The following ZNF626 variants were observed in gnomAD, a reference collection of about 807,000 sequenced individuals.
ZNF626 encodes zinc finger protein 626.
A neutral mutation model predicts 11.7 loss-of-function variants in ZNF626; 4 were observed. That is an observed-to-expected ratio of 0.34 (90% confidence interval 0.17 to 0.78). ZNF626 has a LOEUF of 0.78. ZNF626 is among the 30% of genes least tolerant of loss of function. ZNF626 has a pLI of 0.57. For synonymous variants in ZNF626, 179 were observed against 198.6 expected, an observed-to-expected ratio of 0.90 and a Z score of 0.83; for missense variants, 588 against 587.1, an observed-to-expected ratio of 1.00 and a Z score of -0.01.
At position 20,654,250 on chromosome 19, in the gene ZNF626, C is replaced by T. The variant is rs549817257; in HGVS notation, c.3+7194G>A. Reference sequence around the variant, plus strand: ...GGTCAGGAGTTCAAAACCAGCCTGGCCAATATAGTGAAACCCTGTCTCTAC... The same window carrying T: ...GGTCAGGAGTTCAAAACCAGCCTGGTCAATATAGTGAAACCCTGTCTCTAC... On this transcript the variant is annotated intron_variant, in intron 1 of 3. Coordinates refer to ENST00000601440, the MANE Select transcript of ZNF626 (RefSeq NM_001076675.3). Among the ~76,000 whole-genome samples the T allele has an allele frequency of 7.2e-5, 11 of 151,970 alleles. 1 individual carries two copies. The South Asian group carries it at 2.3e-3, about 32-fold the overall frequency.
intron 3 of ZNF626, among the ~76,000 whole-genome samples, chr19:20,629,059 T>C (rs1969872840): frequency 1.3e-5 from 2 of 152,190 alleles, no homozygotes; most frequent in Non-Finnish European, 2.9e-5. Context: ...CCATTGCTTG[T>C]TTTTGTCAGG....
chr19:20,641,754 T>C (rs1199088060), intron 3 of ZNF626, among the ~76,000 whole-genome samples: 1 of 151,854 alleles, frequency 6.6e-6, no homozygotes, highest in Non-Finnish European at 1.5e-5. Flanking sequence ...GGGGTCTCCA[T>C]ATGTTCCCCA....
intron 3 of ZNF626, among the ~76,000 whole-genome samples, chr19:20,631,395 C>G (rs192113500): frequency 6.6e-6 from 1 of 152,256 alleles, no homozygotes; most frequent in South Asian, 2.1e-4. Context: ...GTGTTAAAGT[C>G]TCCCATTATT....
intron 1 of ZNF626, among the ~76,000 whole-genome samples, chr19:20,654,432 A>G (rs1485250763): frequency 7.1e-6 from 1 of 140,450 alleles, no homozygotes; most frequent in Admixed American, 7.5e-5. Flanking sequence ...AACAGAGGCC[A>G]GGCGCGGTGG....
intron 1 of ZNF626, among the ~76,000 whole-genome samples, chr19:20,651,809 A>C (rs1261272517): frequency 6.6e-6 from 1 of 152,228 alleles, no homozygotes; most frequent in Non-Finnish European, 1.5e-5. Context: ...CTGATTTGCT[A>C]GCTCTTGTGT....
rs566867196 is a variant in ZNF626 at position 20,637,266 on chromosome 19, C to T, written c.226+8418G>A. Among the ~76,000 whole-genome samples, 9 of 152,052 alleles carry T rather than the reference C, an allele frequency of 5.9e-5. No individual in the cohort carries two copies. The East Asian group carries it at 1.7e-3, about 29-fold the overall frequency. On this transcript the variant is annotated intron_variant, in intron 3 of 3. Coordinates refer to ENST00000601440, the MANE Select transcript of ZNF626 (RefSeq NM_001076675.3). ...TGCTTTGGAAGGCCAAGGGGGGAATCACAAGGCCAGGACTTCGAGACCAGC... is the reference window on the plus strand; with the variant it reads ...TGCTTTGGAAGGCCAAGGGGGGAATTACAAGGCCAGGACTTCGAGACCAGC...
At chr19:20,653,161 C>T (rs1970166055) in intron 1 of ZNF626, among the ~76,000 whole-genome samples, 4 of 152,112 alleles carry the variant, frequency 2.6e-5, no homozygotes, top group Non-Finnish European at 5.9e-5. Context: ...GGGAATGTCC[C>T]CTCGAGTAAA....
At chr19:20,655,035 C>T (rs1970189674) in intron 1 of ZNF626, among the ~76,000 whole-genome samples, 1 of 151,698 alleles carries the variant, frequency 6.6e-6, no homozygotes, top group Non-Finnish European at 1.5e-5. Flanking sequence ...TCACTTCAAC[C>T]TGGGAGGCAG....
intron 3 of ZNF626, among the ~76,000 whole-genome samples, chr19:20,629,989 GTGT>G (rs1466300789): frequency 4.6e-5 from 7 of 152,206 alleles, no homozygotes; most frequent in African/African-American, 1.7e-4. Context: ...TTAGTATGAA[GTGT>G]TGTTGAATTT....
intron 3 of ZNF626, among the ~76,000 whole-genome samples, chr19:20,635,737 A>G (rs1969958987): frequency 6.6e-6 from 1 of 152,228 alleles, no homozygotes; most frequent in African/African-American, 2.4e-5. Context: ...TTATCTTCAA[A>G]TCCAAAAATG....
chr19:20,658,543 C>T (rs1426562502), intron 1 of ZNF626, among the ~76,000 whole-genome samples: 1 of 152,086 alleles, frequency 6.6e-6, no homozygotes. Flanking sequence ...CTTCTGTCAC[C>T]CTGGAAGAAG....
chr19:20,661,438 T>G lies in ZNF626; in HGVS notation c.3+6A>C. The G allele has an allele frequency of 1.2e-6, 2 of 1,613,836 alleles. No individual in the cohort carries two copies. Among genetic ancestry groups the G allele is most frequent in the Non-Finnish European group, 1.7e-6 (2 of 1,179,826 alleles). ...CTCTCTCGGGATGTCGGACCCTCAC[T>G]CTCACCATTTTTGGCTTCCAGGAGG... On this transcript the variant is annotated splice_donor_region_variant and intron_variant, in intron 1 of 3. Transcript: ENST00000601440.
intron 3 of ZNF626, among the ~76,000 whole-genome samples, chr19:20,632,689 C>CT (rs1969920048): frequency 6.6e-6 from 1 of 152,118 alleles, no homozygotes; most frequent in Admixed American, 6.5e-5. Context: ...ATCTATTCGT[C>CT]TAATTTTTTT....
intron 1 of ZNF626, among the ~76,000 whole-genome samples, chr19:20,657,221 G>C (rs1488594333): frequency 1.3e-5 from 2 of 151,910 alleles, no homozygotes; most frequent in African/African-American, 4.8e-5. Flanking sequence ...AATACAAAAT[G>C]AAAAATTGGC....
At chr19:20,649,634 G>A (rs79053517) in intron 1 of ZNF626, among the ~76,000 whole-genome samples, 8,329 of 152,226 alleles carry the variant, frequency 0.055, 283 homozygotes, top group African/African-American at 0.09. Flanking sequence ...TCTGCAAATT[G>A]GCCATGTGAT....
rs1236057061 is a variant in ZNF626, at chr19:20,623,947, A to G, written c.*343T>C. ...CACATTCTTTATATTTGTAGAGTTTATATTTCATATCAATTCTTAGTTAGA... is the reference window on the plus strand; with the variant it reads ...CACATTCTTTATATTTGTAGAGTTTGTATTTCATATCAATTCTTAGTTAGA... On this transcript the variant is annotated 3_prime_UTR_variant, in exon 4 of 4. Coordinates refer to ENST00000601440, the MANE Select transcript of ZNF626 (RefSeq NM_001076675.3). The G allele has an allele frequency of 1.7e-5, 6 of 361,850 alleles. No homozygotes were observed. The highest frequency in any genetic ancestry group is 3.1e-5 in the Non-Finnish European group (6 of 194,852). The allele number at this position is 361,850 out of a possible 1,614,324, so 22.4% of individuals were successfully genotyped here.
chr19:20,627,479 C>A (rs990550073), intron 3 of ZNF626, among the ~76,000 whole-genome samples: 4 of 151,278 alleles, frequency 2.6e-5, no homozygotes, highest in African/African-American at 9.7e-5. Context: ...TGGAAAAATA[C>A]CAATACAAAA....
In ZNF626 at chr19:20,625,239, G is replaced by A. The variant is rs1555769420; in HGVS notation, c.638C>T (p.Ser213Phe). The A allele has an allele frequency of 1.2e-6, 2 of 1,612,850 alleles. No individual in the cohort carries two copies. Among genetic ancestry groups the A allele is most frequent in the Non-Finnish European group, 8.5e-7 (1 of 1,179,934 alleles). ...CEECGKAFNH[S>F]CSLTRHKKIH... is the part of the protein sequence containing the mutation. ...TTTCTTATGTCTAGTAAGGCTACAA[G>A]AGTGGTTAAAGGCTTTGCCACATTC... Residue 213 changes from serine to phenylalanine, a missense_variant, in exon 4 of 4, where the codon TCT (serine) becomes TTT (phenylalanine). Physicochemically the swap from Ser to Phe is radical, Grantham distance 155. Around this residue, in one of 4 missense-constraint regions of ZNF626, gnomAD observed 524 missense variants for 470.1 expected, o/e 1.11. Transcript: ENST00000601440.
intron 3 of ZNF626, among the ~76,000 whole-genome samples, chr19:20,626,529 C>T (rs892136758): frequency 6.6e-6 from 1 of 152,088 alleles, no homozygotes; most frequent in Non-Finnish European, 1.5e-5. Flanking sequence ...ACCAGCCTGG[C>T]CAACATGGTG....
Sources: allele counts gnomAD v4.1 joint callset (sites outside exome capture counted in the v4.1 genomes callset), GRCh38; gene constraint gnomAD v4.1.1; regional missense constraint gnomAD v4.1.1; transcripts MANE v1.5; gene names NCBI Gene and HGNC (gene_info 2026-07-23, HGNC 2026-07-21).